Variants in NAV1 observed in about 807,000 individuals in gnomAD.
The protein encoded by NAV1 is neuron navigator 1.
A neutral mutation model predicts 175.2 loss-of-function variants in NAV1; 18 were observed. The observed-to-expected ratio is 0.10, with a 90% confidence interval of 0.07 to 0.15. The LOEUF (loss-of-function observed/expected upper bound fraction) is 0.15. NAV1 is among the 10% of genes least tolerant of loss of function. NAV1 has a pLI of 1.00. For synonymous variants in NAV1, 897 were observed against 978.7 expected (o/e 0.92, Z 1.56); for missense variants, 1,731 against 2,436.6 (o/e 0.71, Z 6.10).
intron 3 of NAV1, among the ~76,000 whole-genome samples, chr1:201,777,789 A>G (rs1676055707): frequency 6.6e-6 from 1 of 151,992 alleles, no homozygotes; most frequent in Non-Finnish European, 1.5e-5. Context: ...CGTGTCTACT[A>G]AAAATACAAA....
chr1:201,817,243 A>G, exon 29 of NAV1: 1 of 1,614,190 alleles, frequency 6.2e-7, no homozygotes, highest in Non-Finnish European at 8.5e-7. Context: ...AGGATAGGAC[A>G]GTCAAAGACA....
chr1:201,705,839 G>C (rs967298685), intron 1 of NAV1, among the ~76,000 whole-genome samples: 1 of 150,368 alleles, frequency 6.7e-6, no homozygotes, highest in Admixed American at 6.7e-5. Context: ...GAGGGGATTT[G>C]CTTGCTGGGT....
At chr1:201,727,112 A>G (rs1452651172) in intron 3 of NAV1, among the ~76,000 whole-genome samples, 1 of 152,180 alleles carries the variant, frequency 6.6e-6, no homozygotes, top group Non-Finnish European at 1.5e-5. Context: ...TAAATTAGTT[A>G]ATACTCTTAC....
At chr1:201,596,089 T>A (rs914660797) in intron 2 of NAV1, among the ~76,000 whole-genome samples, 4 of 152,244 alleles carry the variant, frequency 2.6e-5, no homozygotes, top group African/African-American at 9.6e-5. Flanking sequence ...GCATCTCAGT[T>A]TTCTCACCAT....
chr1:201,552,997 G>A (rs1367671207), intron 1 of NAV1, among the ~76,000 whole-genome samples: 1 of 152,148 alleles, frequency 6.6e-6, no homozygotes, highest in Non-Finnish European at 1.5e-5. Context: ...CAGGGGACGA[G>A]GGGGGCAGAG....
intron 7 of NAV1, among the ~76,000 whole-genome samples, chr1:201,784,998 G>A (rs184704008): frequency 3.3e-5 from 5 of 152,148 alleles, no homozygotes; most frequent in East Asian, 3.9e-4. Flanking sequence ...TCGATCTCCC[G>A]ACCTCGTGAT....
chr1:201,690,747 C>A (rs1016374756), intron 1 of NAV1, among the ~76,000 whole-genome samples: 1 of 151,904 alleles, frequency 6.6e-6, no homozygotes, highest in African/African-American at 2.4e-5. Flanking sequence ...GCTATTTCCT[C>A]CGTGGCCTGT....
chr1:201,742,769 G>A (rs1470715656), intron 3 of NAV1, among the ~76,000 whole-genome samples: 3 of 152,008 alleles, frequency 2.0e-5, no homozygotes, highest in Non-Finnish European at 4.4e-5. Context: ...GAATACCTAG[G>A]GACAGCCAAG....
chr1:201,772,896 G>T (rs1186311816), intron 3 of NAV1, among the ~76,000 whole-genome samples: 1 of 152,112 alleles, frequency 6.6e-6, no homozygotes, highest in Non-Finnish European at 1.5e-5. Context: ...GGCCGGGCGT[G>T]GTGGCGGGTG....
At chr1:201,809,565 T>C (rs2102811586) in intron 22 of NAV1, 28 bp downstream of exon 26, 1 of 1,597,908 alleles carries the variant, frequency 6.3e-7, no homozygotes, top group Non-Finnish European at 8.6e-7. Flanking sequence ...CTCAAAAAGG[T>C]TGTTCATCCT....
intron 2 of NAV1, among the ~76,000 whole-genome samples, chr1:201,612,096 G>C (rs958394588): frequency 2.0e-5 from 3 of 152,162 alleles, no homozygotes; most frequent in Admixed American, 6.5e-5. Context: ...GTGTGTGTGT[G>C]TGAGTGTGTG....
At chr1:201,593,085 C>T (rs1017073381) in intron 2 of NAV1, among the ~76,000 whole-genome samples, 1 of 152,170 alleles carries the variant, frequency 6.6e-6, no homozygotes, top group Admixed American at 6.6e-5. Context: ...CAGTGTTGCC[C>T]CATCTGGCAG....
chr1:201,633,082 T>G (rs565455209), intron 2 of NAV1, among the ~76,000 whole-genome samples: 1 of 152,126 alleles, frequency 6.6e-6, no homozygotes, highest in Admixed American at 6.5e-5. Context: ...TCTAACAAAC[T>G]TTATAGATCT....
rs1341390597 is a variant in NAV1 at position 201,788,787 on chromosome 1, C to G, written c.3166+149C>G. The G allele has an allele frequency of 1.0e-6, 1 of 952,974 alleles. No individual in the cohort carries two copies. The highest frequency in any genetic ancestry group is 1.7e-5 in the African/African-American group (1 of 60,326). 59.0% of individuals were successfully genotyped at this position (952,974 alleles called of 1,614,324 possible). On this transcript the variant is annotated intron_variant, in intron 10 of 29. Transcript: ENST00000367296. The surrounding 1 kb of genome is among the most constrained non-coding windows in gnomAD (Gnocchi z 5.7). Reference sequence around the variant, plus strand: ...GCCATTTCAGTTTTTTCTCCCCATCCCTTTGAAGGGTCTGGGGACCCAGAA... The same window carrying G: ...GCCATTTCAGTTTTTTCTCCCCATCGCTTTGAAGGGTCTGGGGACCCAGAA...
intron 3 of NAV1, among the ~76,000 whole-genome samples, chr1:201,775,372 T>C (rs1262336594): frequency 6.6e-6 from 1 of 152,220 alleles, no homozygotes; most frequent in African/African-American, 2.4e-5. Flanking sequence ...GGCTGGAGTT[T>C]GGAAGACTCA....
At chr1:201,602,651 G>GTTTTTTTTTTTTTTTTGT (rs375268009) in intron 2 of NAV1, among the ~76,000 whole-genome samples, 2 of 112,746 alleles carry the variant, frequency 1.8e-5, no homozygotes, top group Non-Finnish European at 1.9e-5. Context: ...TTTTTTTTTG[G>GTTTTTTTTTTTTTTTTGT]TTTTTTTTTT....
At chr1:201,712,756 C>G in intron 1 of NAV1, 61 bp from the exon 6 acceptor site, 1 of 1,185,632 alleles carries the variant, frequency 8.4e-7, no homozygotes, top group Non-Finnish European at 1.3e-6. Flanking sequence ...ACTTCCTGAC[C>G]CCCAGGATCC....
intron 1 of NAV1, among the ~76,000 whole-genome samples, chr1:201,674,881 A>G (rs1670182476): frequency 6.6e-6 from 1 of 152,070 alleles, no homozygotes; most frequent in Non-Finnish European, 1.5e-5. Flanking sequence ...TACTAAAAAT[A>G]CACACACACA....
chr1:201,756,892 T>G (rs1261771796), intron 3 of NAV1, among the ~76,000 whole-genome samples: 1 of 140,286 alleles, frequency 7.1e-6, no homozygotes, highest in East Asian at 2.3e-4. Flanking sequence ...TTCTCTGTCT[T>G]TCTCCCCACT....
Sources: allele counts gnomAD v4.1 joint callset (sites outside exome capture counted in the v4.1 genomes callset), GRCh38; gene constraint gnomAD v4.1.1; non-coding constraint Gnocchi (gnomAD v3.1); transcripts MANE v1.5; gene names NCBI Gene and HGNC (gene_info 2026-07-23, HGNC 2026-07-21).